The following CUL2 variants were observed in gnomAD, a reference collection of about 807,000 sequenced individuals.
CUL2 encodes the protein cullin-2.
CUL2 carries 22 observed loss-of-function variants against 110.2 expected under a neutral mutation model. The observed-to-expected ratio is 0.20, with a 90% CI of 0.14 to 0.28. The LOEUF is 0.28. Among genes scored for constraint, CUL2 ranks in the 10% least tolerant of loss-of-function variants. The pLI, the probability that CUL2 is intolerant of heterozygous loss-of-function variation, is 1.00. For synonymous variants in CUL2, 279 were observed against 293.2 expected (o/e 0.95, Z 0.49); for missense variants, 631 against 905.5 (o/e 0.70, Z 3.89).
chr10:35,081,023 T>C (rs2086934493), intron 1 of CUL2, among the ~76,000 whole-genome samples: 1 of 151,782 alleles, frequency 6.6e-6, no homozygotes, highest in African/African-American at 2.4e-5. Flanking sequence ...AAAACAGCCT[T>C]AGCAACATAG....
At chr10:35,033,858 T>G (rs1394933626) in intron 10 of CUL2, among the ~76,000 whole-genome samples, 5 of 152,084 alleles carry the variant, frequency 3.3e-5, no homozygotes, top group African/African-American at 9.7e-5. Context: ...AAAAGCATAC[T>G]TTTCTACTGT....
chr10:35,117,524 C>A (rs929314330), intron 1 of CUL2, among the ~76,000 whole-genome samples: 13 of 147,924 alleles, frequency 8.8e-5, no homozygotes, highest in Non-Finnish European at 1.8e-4. Context: ...GTCACTGCAA[C>A]TGGCTTTTTT....
intron 10 of CUL2, among the ~76,000 whole-genome samples, chr10:35,034,814 C>G (rs1035766541): frequency 6.6e-5 from 10 of 152,028 alleles, no homozygotes; most frequent in African/African-American, 2.4e-4. Context: ...AATTGCAAGT[C>G]GTCTATATTA....
chr10:35,047,972 C>T (rs1389839797), intron 6 of CUL2, among the ~76,000 whole-genome samples: 1 of 151,856 alleles, frequency 6.6e-6, no homozygotes, highest in East Asian at 1.9e-4. Context: ...ATGTGAATCC[C>T]TAGAATTATT....
intron 2 of CUL2, among the ~76,000 whole-genome samples, chr10:35,096,402 C>G (rs2087300779): frequency 6.6e-6 from 1 of 151,732 alleles, no homozygotes; most frequent in Non-Finnish European, 1.5e-5. Flanking sequence ...GCCAGGAGTT[C>G]AAGACCAGCC....
chr10:35,094,361 G>A (rs1301991742), upstream of CUL2, among the ~76,000 whole-genome samples: 2 of 151,844 alleles, frequency 1.3e-5, no homozygotes, highest in African/African-American at 2.4e-5. Flanking sequence ...TCAGCCTCCC[G>A]AGTAGCTGAG....
chr10:35,020,166 T>TA (rs59866726), intron 17 of CUL2, among the ~76,000 whole-genome samples: 148 of 145,086 alleles, frequency 1.0e-3, no homozygotes, highest in Admixed American at 1.4e-3. Flanking sequence ...AAAACAAATT[T>TA]AAAAAAAAAA....
chr10:35,122,981 TA>T (rs1564760870), intron 1 of CUL2, among the ~76,000 whole-genome samples: 1 of 151,956 alleles, frequency 6.6e-6, no homozygotes, highest in Non-Finnish European at 1.5e-5. Context: ...ATAAAAAAAT[TA>T]AAAAAATTAG....
At chr10:35,077,395 G>A (rs1419636461) in intron 1 of CUL2, among the ~76,000 whole-genome samples, 1 of 151,572 alleles carries the variant, frequency 6.6e-6, no homozygotes, top group Non-Finnish European at 1.5e-5. Flanking sequence ...CTACTCAAGA[G>A]GCTGAGGAGG....
intron 1 of CUL2, among the ~76,000 whole-genome samples, chr10:35,086,928 T>C (rs1564747960): frequency 6.6e-6 from 1 of 152,236 alleles, no homozygotes; most frequent in Non-Finnish European, 1.5e-5. Flanking sequence ...TATTTGCTTA[T>C]ATGTCCACAA....
chr10:35,080,937 G>A (rs1000435554), intron 1 of CUL2, among the ~76,000 whole-genome samples: 52 of 152,118 alleles, frequency 3.4e-4, no homozygotes, highest in African/African-American at 1.1e-3. Context: ...TTTGCACCCA[G>A]GTGTGGTGGC....
At position 35,075,167 on chromosome 10, in the gene CUL2, G is replaced by T. The variant is rs372978935; in HGVS notation, c.-22-3828C>A. On this transcript the variant is annotated intron_variant, in intron 1 of 20. Transcript: ENST00000374749. ...CCATGCTTGGATGGATAGCAAATCT[G>T]GAAGCCAACGTGCAAGAAGCACCAG... Among the ~76,000 whole-genome samples the T allele has an allele frequency of 3.9e-5, 6 of 152,248 alleles. No homozygotes were observed. The South Asian group carries it at 1.2e-3, about 32-fold the overall frequency.
chr10:35,113,627 T>C (rs2087552264), intron 1 of CUL2, among the ~76,000 whole-genome samples: 1 of 149,276 alleles, frequency 6.7e-6, no homozygotes. Context: ...ATATAATTCA[T>C]AATCAGGAGA....
intron 17 of CUL2, among the ~76,000 whole-genome samples, chr10:35,022,309 G>A (rs1054822319): frequency 1.3e-5 from 2 of 152,196 alleles, no homozygotes; most frequent in Non-Finnish European, 2.9e-5. Context: ...CAGGTCTTCT[G>A]ATTCTAAATT....
intron 2 of CUL2, among the ~76,000 whole-genome samples, chr10:35,098,551 A>G (rs2087332139): frequency 6.6e-6 from 1 of 152,116 alleles, no homozygotes; most frequent in African/African-American, 2.4e-5. Context: ...AGAAAAAAAA[A>G]ATGTGTGTTA....
chr10:35,055,531 G>C (rs2086220672), intron 4 of CUL2, among the ~76,000 whole-genome samples: 2 of 152,192 alleles, frequency 1.3e-5, no homozygotes, highest in Non-Finnish European at 2.9e-5. Context: ...CCAGCAGTTT[G>C]AGAGCAGCCT....
At chr10:35,062,921 C>G (rs373394007) in intron 3 of CUL2, 39 bp downstream of exon 3, 5 of 1,147,128 alleles carry the variant, frequency 4.4e-6, no homozygotes, top group Admixed American at 1.8e-5. Context: ...AAGTATACAA[C>G]TATCAACATA....
intron 1 of CUL2, among the ~76,000 whole-genome samples, chr10:35,102,048 T>C (rs2087386960): frequency 6.6e-6 from 1 of 152,140 alleles, no homozygotes; most frequent in African/African-American, 2.4e-5. Context: ...GAGACCAGCC[T>C]GGCCAATAAG....
chr10:35,098,973 T>A (rs1448434614), intron 2 of CUL2, among the ~76,000 whole-genome samples: 3 of 152,066 alleles, frequency 2.0e-5, no homozygotes, highest in Non-Finnish European at 4.4e-5. Context: ...GCCATCTCAT[T>A]TGAGAAGATA....
Sources: allele counts gnomAD v4.1 joint callset (sites outside exome capture counted in the v4.1 genomes callset), GRCh38; gene constraint gnomAD v4.1.1; transcripts MANE v1.5; gene names NCBI Gene and HGNC (gene_info 2026-07-23, HGNC 2026-07-21).